CTSE: variants seen among roughly 807,000 people sequenced by gnomAD.
CTSE encodes erythrocyte membrane aspartic proteinase.
In CTSE, 43 loss-of-function variants were observed where a neutral mutation model predicts 42.8. That is an observed-to-expected ratio of 1.01 (90% CI 0.79 to 1.30). The LOEUF (loss-of-function observed/expected upper bound fraction) is 1.30. CTSE is among the 50% of genes most tolerant of loss of function. The pLI is 0.00. For synonymous variants in CTSE, 205 were observed against 191.5 expected, an observed-to-expected ratio of 1.07 and a Z score of -0.58; for missense variants, 532 against 493.5, an observed-to-expected ratio of 1.08 and a Z score of -0.74.
intron 3 of CTSE, 126 bp from the exon 4 acceptor site, chr1:206,021,293 T>G: frequency 1.4e-6 from 1 of 713,940 alleles, no homozygotes; most frequent in Non-Finnish European, 2.5e-6. Flanking sequence ...TGGGGGCCCC[T>G]AGAAGCCTGG....
intron 2 of CTSE, among the ~76,000 whole-genome samples, 173 bp downstream of exon 2, chr1:206,022,728 G>T (rs1661475563): frequency 6.6e-6 from 1 of 151,942 alleles, no homozygotes; most frequent in Non-Finnish European, 1.5e-5. Context: ...GTACATGGGG[G>T]CCTGCTTAGC....
intron 2 of CTSE, among the ~76,000 whole-genome samples, 198 bp downstream of exon 2, chr1:206,022,703 A>C (rs1553278635): frequency 1.3e-5 from 2 of 151,880 alleles, no homozygotes; most frequent in Non-Finnish European, 2.9e-5. Context: ...TTCTGCAGAG[A>C]ACTCTGACAT....
chr1:206,019,705 AAT>A (rs1661357645), intron 4 of CTSE, among the ~76,000 whole-genome samples: 1 of 147,524 alleles, frequency 6.8e-6, no homozygotes, highest in African/African-American at 2.5e-5. Context: ...TTAGATATAT[AAT>A]ATATATGTAT....
chr1:206,023,090 T>C (rs1553278739), intron 1 of CTSE, 33 bp from the exon 2 acceptor site: 2 of 1,532,908 alleles, frequency 1.3e-6, no homozygotes, highest in Non-Finnish European at 8.9e-7. Flanking sequence ...GCAGGAGATG[T>C]ACTTCTGCCT....
chr1:206,023,020 GCTT>G lies in CTSE; in HGVS notation c.103_105del (p.Lys35del). 6.2e-7 allele frequency: 1 copy of G among 1,613,274 alleles called. No homozygotes were observed. Among genetic ancestry groups the G allele is most frequent in the Non-Finnish European group, 8.5e-7 (1 of 1,179,510 alleles). On this transcript the variant is annotated inframe_deletion, in exon 2 of 9. Transcript: ENST00000358184. Reference sequence around the variant, plus strand: ...TCAGAGAGCTGGCTCCGTGCCCGCAGCTTCTTCTTGAGGGACGGATGCCTCCTG... The same window carrying G: ...TCAGAGAGCTGGCTCCGTGCCCGCAGCTTCTTGAGGGACGGATGCCTCCTG...
chr1:206,023,196 G>C, intron 1 of CTSE, 139 bp from the exon 2 acceptor site: 1 of 897,064 alleles, frequency 1.1e-6, no homozygotes. Context: ...CAGGATACAG[G>C]TGGGATCAGC....
At chr1:206,016,584 T>C (rs1386906530) in intron 4 of CTSE, among the ~76,000 whole-genome samples, 1 of 152,072 alleles carries the variant, frequency 6.6e-6, no homozygotes. Context: ...ACTTTTCACA[T>C]TGCGATCTGG....
intron 8 of CTSE, 126 bp downstream of exon 8, chr1:206,012,182 T>G: frequency 4.6e-5 from 34 of 735,654 alleles, no homozygotes; most frequent in East Asian, 1.3e-4. Context: ...GAATGCCACA[T>G]GAGAGCAGAA....
intron 5 of CTSE, 55 bp downstream of exon 5, chr1:206,015,876 G>T (rs1661246295): frequency 2.6e-6 from 4 of 1,526,926 alleles, no homozygotes; most frequent in Non-Finnish European, 3.6e-6. Flanking sequence ...AAGTGTATGT[G>T]TTGTCTCCCT....
rs369769231 is a variant in CTSE, at chr1:206,022,399, GA to G, written c.226-133del. ...ACAGACTGGAGTTTACAGAGCCTAG[GA>G]AGTGGCAACGCTGGAAAATAAAAGG... On this transcript the variant is annotated intron_variant, in intron 2 of 8. Transcript: ENST00000358184. 30 of 611,220 alleles carry G rather than the reference GA, an allele frequency of 4.9e-5. No individual in the cohort carries two copies. The African/African-American group carries it at 5.5e-4, about 11-fold the overall frequency. 37.9% of individuals were successfully genotyped at this position (611,220 alleles called of 1,614,324 possible).
chr1:206,018,662 T>C (rs28644441), intron 4 of CTSE, among the ~76,000 whole-genome samples: 47,706 of 151,892 alleles, frequency 0.31, 10,960 homozygotes, highest in African/African-American at 0.65. Flanking sequence ...AAGGCATTTG[T>C]TGATTTTCTG....
chr1:206,012,795 T>G (rs1205033689), intron 6 of CTSE, 146 bp from the exon 7 acceptor site: 2 of 933,272 alleles, frequency 2.1e-6, no homozygotes, highest in Non-Finnish European at 3.3e-6. Context: ...TCTACTGAGA[T>G]CCATAGGAAG....
chr1:206,021,915 C>A (rs1200603877), intron 3 of CTSE, among the ~76,000 whole-genome samples: 1 of 152,092 alleles, frequency 6.6e-6, no homozygotes, highest in East Asian at 1.9e-4. Context: ...TCTATTAATT[C>A]TGATCAGTAT....
In CTSE at chr1:206,022,957, T is replaced by A. The variant is rs782417893; in HGVS notation, c.169A>T (p.Thr57Ser). 2 of 1,609,938 alleles carry A rather than the reference T, an allele frequency of 1.2e-6. No homozygotes were observed. The highest frequency in any genetic ancestry group is 1.3e-5 in the African/African-American group (1 of 74,976). Residue 57 changes from threonine (T) to serine (S), a missense_variant, in exon 2 of 9, where the codon ACC becomes TCC. Physicochemically the swap from Thr to Ser is moderately conservative, Grantham distance 58. Transcript: ENST00000358184. Reference protein sequence around the residue: ...KSHNLDMIQFTESCSMDQSAK... With the variant: ...KSHNLDMIQFSESCSMDQSAK... The stretch of plus-strand genomic sequence containing the variant: ...CTCTGGTCCATTGAGCAGGACTCGG[T>A]GAACTGGATCATGTCCAAATTATGG...
chr1:206,023,019 A>G lies in CTSE; in HGVS notation c.107T>C (p.Leu36Pro). The change falls in exon 2 of 9, where the codon CTG becomes CCG. Residue 36 changes from leucine to proline, a missense_variant. Transcript: ENST00000358184. ...CTCAGAGAGCTGGCTCCGTGCCCGC[A>G]GCTTCTTCTTGAGGGACGGATGCCT... The part of the protein sequence containing the change: ...LRRHPSLKKK[L>P]RARSQLSEFW... 1 of 1,613,302 alleles carries G rather than the reference A, an allele frequency of 6.2e-7. No individual in the cohort carries two copies. The highest frequency in any genetic ancestry group is 8.5e-7 in the Non-Finnish European group (1 of 1,179,530).
At chr1:206,023,130 C>T in intron 1 of CTSE, 73 bp from the exon 2 acceptor site, 1 of 1,271,034 alleles carries the variant, frequency 7.9e-7, no homozygotes. Flanking sequence ...GTCCCATTTT[C>T]TCAGGGGCCA....
rs1558150405 is a variant in CTSE, at chr1:206,012,598, A to G, written c.837T>C (p.Ile279=). 1.9e-6 allele frequency: 3 copies of G among 1,613,910 alleles called. No individual in the cohort carries two copies. Among genetic ancestry groups the G allele is most frequent in the African/African-American group, 1.3e-5 (1 of 75,014 alleles). ...TGATGAGGGAAGTCCCTGTGTCCACAATGGCCTGGCAGCCCTCGGAGCAGA... is the reference window on the plus strand; with the variant it reads ...TGATGAGGGAAGTCCCTGTGTCCACGATGGCCTGGCAGCCCTCGGAGCAGA... ...VMFCSEGCQA[I]VDTGTSLITG... is the part of the protein sequence containing the mutation. The change falls in exon 7 of 9, where the codon ATT becomes ATC. Residue 279 remains isoleucine (I), a synonymous_variant. Coordinates refer to ENST00000358184, the MANE Select transcript of CTSE (RefSeq NM_001910.4).
At chr1:206,014,212 T>C (rs1478543640) in intron 5 of CTSE, 2 of 247,490 alleles carry the variant, frequency 8.1e-6, no homozygotes, top group Non-Finnish European at 1.6e-5. Context: ...TGGGTGGGTA[T>C]ACACTGTGTG....
intron 4 of CTSE, 115 bp from the exon 5 acceptor site, chr1:206,016,245 T>G: frequency 1.1e-6 from 1 of 939,328 alleles, no homozygotes; most frequent in Non-Finnish European, 1.7e-6. Flanking sequence ...TTCCCAACTT[T>G]CCTTGACTAA....
Sources: allele counts gnomAD v4.1 joint callset (sites outside exome capture counted in the v4.1 genomes callset), GRCh38; gene constraint gnomAD v4.1.1; transcripts MANE v1.5; gene names NCBI Gene and HGNC (gene_info 2026-07-23, HGNC 2026-07-21).